TRPV4: variants seen among roughly 807,000 people sequenced by gnomAD.
TRPV4 encodes the protein transient receptor potential cation channel subfamily V member 4.
Under a neutral mutation model 84.1 loss-of-function variants are expected in TRPV4, and 58 were observed. The ratio of observed to expected loss-of-function variants is 0.69; its 90% CI spans 0.56 to 0.86. TRPV4 has a LOEUF of 0.86. Among genes scored for constraint, TRPV4 ranks in the 40% least tolerant of loss-of-function variants. The probability of loss-of-function intolerance (pLI) is 0.00; values close to 1 mark genes in which losing one functional copy is unlikely to be tolerated. For synonymous variants in TRPV4, 489 were observed against 500.9 expected, an observed-to-expected ratio of 0.98 and a Z score of 0.32; for missense variants, 879 against 1,181.1, an observed-to-expected ratio of 0.74 and a Z score of 3.75.
intron 6 of TRPV4, among the ~76,000 whole-genome samples, chr12:109,797,753 T>TA (rs1226585196): frequency 1.3e-5 from 2 of 152,052 alleles, no homozygotes; most frequent in Admixed American, 1.3e-4. Flanking sequence ...AGGCTGGACT[T>TA]AAACGATCCT....
At chr12:109,805,833 T>A (rs1311883810) in intron 3 of TRPV4, among the ~76,000 whole-genome samples, 1 of 152,158 alleles carries the variant, frequency 6.6e-6, no homozygotes, top group Non-Finnish European at 1.5e-5. Flanking sequence ...CAGACACACA[T>A]GCATCTGGGT....
intron 1 of TRPV4, among the ~76,000 whole-genome samples, chr12:109,824,207 C>T (rs963983019): frequency 3.9e-5 from 6 of 151,920 alleles, no homozygotes; most frequent in Non-Finnish European, 8.8e-5. Flanking sequence ...TCAGGTGATC[C>T]GACCGCCTCG....
At chr12:109,809,196 A>T (rs553675502) in intron 2 of TRPV4, among the ~76,000 whole-genome samples, 1 of 140,404 alleles carries the variant, frequency 7.1e-6, no homozygotes, top group East Asian at 2.2e-4. Flanking sequence ...CCATCCACTT[A>T]TCCATCCGTC....
intron 1 of TRPV4, among the ~76,000 whole-genome samples, chr12:109,816,589 C>T (rs1409280568): frequency 1.3e-4 from 20 of 152,134 alleles, no homozygotes; most frequent in Admixed American, 1.3e-3. Context: ...ACCAGCCTGG[C>T]TAACATGGCA....
At chr12:109,805,357 C>T (rs1891052903) in intron 3 of TRPV4, among the ~76,000 whole-genome samples, 1 of 152,192 alleles carries the variant, frequency 6.6e-6, no homozygotes, top group African/African-American at 2.4e-5. Flanking sequence ...CTTTCAGACA[C>T]AGGTTATAGA....
intron 2 of TRPV4, among the ~76,000 whole-genome samples, chr12:109,812,294 C>T (rs1250823188): frequency 3.9e-5 from 6 of 152,308 alleles, no homozygotes; most frequent in South Asian, 2.1e-4. Flanking sequence ...GTCATAGGGG[C>T]CACATGCTGT....
chr12:109,800,474 G>A lies in TRPV4; in HGVS notation c.853+144C>T, dbSNP rs1037775111. The stretch of plus-strand genomic sequence containing the variant: ...TGACCAAGACCAACGTGCAGCCTGT[G>A]GTCCAGAGTGCTGCCTGCGCTCATG... On this transcript the variant is annotated intron_variant, in intron 5 of 15. Transcript: ENST00000261740. The A allele has an allele frequency of 5.9e-6, 6 of 1,021,014 alleles. No homozygotes were observed. The African/African-American group carries it at 8.0e-5, about 14-fold the overall frequency. The allele number at this position is 1,021,014 out of a possible 1,614,324, so 63.2% of individuals were successfully genotyped here.
At position 109,792,635 on chromosome 12, in the gene TRPV4, G is replaced by A. The variant is rs1890119108; in HGVS notation, c.1824+17C>T. 6.2e-7 allele frequency: 1 copy of A among 1,613,944 alleles called. No homozygotes were observed. ...CTCCAGGAACACACGAGTCCAGAGG[G>A]TCCTCCCAGCCCGTACCTTCTGGAT... On this transcript the variant is annotated intron_variant, in intron 11 of 15. Coordinates refer to ENST00000261740, the MANE Select transcript of TRPV4 (RefSeq NM_021625.5).
intron 1 of TRPV4, among the ~76,000 whole-genome samples, chr12:109,830,219 G>A (rs1458604248): frequency 6.6e-6 from 1 of 152,206 alleles, no homozygotes; most frequent in African/African-American, 2.4e-5. Context: ...CAGGTGAAGG[G>A]ATGGATTTGC....
intron 1 of TRPV4, among the ~76,000 whole-genome samples, chr12:109,823,478 A>T (rs913050260): frequency 6.6e-6 from 1 of 152,192 alleles, no homozygotes; most frequent in Non-Finnish European, 1.5e-5. Flanking sequence ...AGTCATTTCC[A>T]AGGGTCCCGG....
rs948038678 is a variant in TRPV4 at position 109,786,007 on chromosome 12, A to C, written c.2336+703T>G. On this transcript the variant is annotated intron_variant, in intron 14 of 15. Transcript: ENST00000261740. The surrounding 1 kb of genome is among the most constrained non-coding windows in gnomAD (Gnocchi z 4.5). ...CAGCCTGAGCAACCCTGCCTCTAAA[A>C]ACAAACAAAAAATGGAATTGAACTG... Among the ~76,000 whole-genome samples the C allele has an allele frequency of 6.6e-6, 1 of 152,178 alleles. No homozygotes were observed. The highest frequency in any genetic ancestry group is 2.1e-4 in the South Asian group (1 of 4,824).
At chr12:109,808,944 CCATCATT>C (rs1178238817) in intron 2 of TRPV4, among the ~76,000 whole-genome samples, 1 of 151,548 alleles carries the variant, frequency 6.6e-6, no homozygotes, top group Non-Finnish European at 1.5e-5. Flanking sequence ...ACCCATCCAT[CCATCATT>C]CATCCATCCA....
chr12:109,793,637 C>A lies in TRPV4; in HGVS notation c.1585-37G>T. 1 of 1,556,012 alleles carries A rather than the reference C, an allele frequency of 6.4e-7. No individual in the cohort carries two copies. Among genetic ancestry groups the A allele is most frequent in the Non-Finnish European group, 8.9e-7 (1 of 1,127,790 alleles). ...GAGGGGGCACGTGAAAGGGGTGGGGCCAGCAGGAGAGGAGAGGAGGAGAGA... is the reference window on the plus strand; with the variant it reads ...GAGGGGGCACGTGAAAGGGGTGGGGACAGCAGGAGAGGAGAGGAGGAGAGA... On this transcript the variant is annotated intron_variant, in intron 9 of 15. Transcript: ENST00000261740. This position sits in a 1 kb window ranked among gnomAD's most constrained non-coding sequence, Gnocchi z 4.0.
chr12:109,808,919 C>A (rs1891318351), intron 2 of TRPV4, among the ~76,000 whole-genome samples: 1 of 150,554 alleles, frequency 6.6e-6, no homozygotes, highest in African/African-American at 2.4e-5. Flanking sequence ...CATCCACCCA[C>A]TCCTCCATCT....
chr12:109,796,784 T>C lies in TRPV4; in HGVS notation c.1153-80A>G. On this transcript the variant is annotated intron_variant, in intron 6 of 15. Transcript: ENST00000261740. This position sits in a 1 kb window ranked among gnomAD's most constrained non-coding sequence, Gnocchi z 4.2. ...TGGGCCCAGCTCAGCACATGACGCCTCCCCAGAAAACAGCTAAGCACCGGC... is the reference window on the plus strand; with the variant it reads ...TGGGCCCAGCTCAGCACATGACGCCCCCCCAGAAAACAGCTAAGCACCGGC... The C allele has an allele frequency of 6.9e-7, 1 of 1,456,562 alleles. No homozygotes were observed. Among genetic ancestry groups the C allele is most frequent in the Non-Finnish European group, 9.2e-7 (1 of 1,084,708 alleles). The allele number at this position is 1,456,562 out of a possible 1,614,324, so 90.2% of individuals were successfully genotyped here.
intron 3 of TRPV4, among the ~76,000 whole-genome samples, chr12:109,807,445 A>T (rs572909902): frequency 1.4e-5 from 2 of 145,148 alleles, no homozygotes; most frequent in South Asian, 4.4e-4. Context: ...CAGTGGCATG[A>T]TCACAGCTCA....
rs1161740264 is a variant in TRPV4, at chr12:109,796,349, T to C, written c.1332+176A>G. On this transcript the variant is annotated intron_variant, in intron 7 of 15. Transcript: ENST00000261740. This position sits in a 1 kb window ranked among gnomAD's most constrained non-coding sequence, Gnocchi z 4.2. ...CACAAGTCTTGCTCATTTCCTCACA[T>C]GGCAGACACTGTTCTGGGCACTTAG... Among the ~76,000 whole-genome samples, 1 of 152,162 alleles carries C rather than the reference T, an allele frequency of 6.6e-6. No homozygotes were observed. The highest frequency in any genetic ancestry group is 1.5e-5 in the Non-Finnish European group (1 of 68,024).
chr12:109,828,011 C>T (rs1441299919), intron 1 of TRPV4, among the ~76,000 whole-genome samples: 1 of 152,254 alleles, frequency 6.6e-6, no homozygotes, highest in Non-Finnish European at 1.5e-5. Context: ...GGAACCCAGG[C>T]CACTCCACCC....
In TRPV4 at chr12:109,796,458, G is replaced by C; in HGVS notation, c.1332+67C>G. On this transcript the variant is annotated intron_variant, in intron 7 of 15. Transcript: ENST00000261740. This position sits in a 1 kb window ranked among gnomAD's most constrained non-coding sequence, Gnocchi z 4.2. Reference sequence around the variant, plus strand: ...GGCTGTCTCCCCCAGCCCAGCCCCAGGGCCCTGTCCCTACTCCCAGCCCTG... The same window carrying C: ...GGCTGTCTCCCCCAGCCCAGCCCCACGGCCCTGTCCCTACTCCCAGCCCTG... 6.3e-7 allele frequency: 1 copy of C among 1,586,602 alleles called. No individual in the cohort carries two copies. Among genetic ancestry groups the C allele is most frequent in the Non-Finnish European group, 8.6e-7 (1 of 1,163,022 alleles).
Sources: allele counts gnomAD v4.1 joint callset (sites outside exome capture counted in the v4.1 genomes callset), GRCh38; gene constraint gnomAD v4.1.1; non-coding constraint Gnocchi (gnomAD v3.1); transcripts MANE v1.5; gene names NCBI Gene and HGNC (gene_info 2026-07-23, HGNC 2026-07-21).